The following TRPV1 variants were observed in gnomAD, a reference collection of about 807,000 sequenced individuals.
TRPV1 encodes the protein transient receptor potential cation channel subfamily V member 1, also known as OTRPC1.
In TRPV1, 82 loss-of-function variants were observed where a neutral mutation model predicts 82.3. The ratio of observed to expected loss-of-function variants is 1.00; its 90% CI spans 0.83 to 1.20. The LOEUF (loss-of-function observed/expected upper bound fraction) is 1.20, where lower values mean the gene tolerates loss of function less well. Among genes scored for constraint, TRPV1 ranks in the 50% most tolerant of loss-of-function variants. The pLI is 0.00. For missense variants in TRPV1, 1,067 were observed against 1,096.8 expected, an observed-to-expected ratio of 0.97 and a Z score of 0.38; for synonymous variants, 515 against 467.7, an observed-to-expected ratio of 1.10 and a Z score of -1.30.
chr17:3,605,210 C>A (rs1304918050), intron 2 of TRPV1, among the ~76,000 whole-genome samples: 1 of 152,058 alleles, frequency 6.6e-6, no homozygotes, highest in Admixed American at 6.6e-5. Context: ...ACACTACCCA[C>A]CTTCTAGATT....
intron 5 of TRPV1, 74 bp from the exon 6 acceptor site, chr17:3,590,466 C>T: frequency 6.3e-7 from 1 of 1,574,970 alleles, no homozygotes; most frequent in Non-Finnish European, 8.6e-7. Flanking sequence ...TGGGGAAGGG[C>T]TCTGGGCAGG....
chr17:3,570,779 T>A (rs1240436961), intron 16 of TRPV1, among the ~76,000 whole-genome samples: 1 of 152,160 alleles, frequency 6.6e-6, no homozygotes, highest in Admixed American at 6.6e-5. Flanking sequence ...AGTGGTGCGA[T>A]CTCGGCTCAC....
chr17:3,577,535 C>T (rs2074950299), intron 12 of TRPV1, 63 bp downstream of exon 12: 9 of 1,524,760 alleles, frequency 5.9e-6, no homozygotes, highest in Non-Finnish European at 7.1e-6. Flanking sequence ...TTCTTGGCCC[C>T]ATCTCACATG....
At chr17:3,583,641 C>A (rs568138591) in intron 9 of TRPV1, among the ~76,000 whole-genome samples, 1 of 152,242 alleles carries the variant, frequency 6.6e-6, no homozygotes, top group Non-Finnish European at 1.5e-5. Flanking sequence ...AGGTGCCAAG[C>A]GGAGCATCTT....
At chr17:3,569,779 C>T (rs2074822214) in intron 16 of TRPV1, among the ~76,000 whole-genome samples, 1 of 152,172 alleles carries the variant, frequency 6.6e-6, no homozygotes, top group African/African-American at 2.4e-5. Flanking sequence ...CAGAGAGTGG[C>T]TCAGAGTATT....
In TRPV1 at chr17:3,566,869, C is replaced by G. The variant is rs200050483; in HGVS notation, c.2466G>C (p.Leu822=). 2.1e-5 allele frequency: 34 copies of G among 1,614,012 alleles called. No individual in the cohort carries two copies. The highest frequency in any genetic ancestry group is 2.9e-5 in the Non-Finnish European group (34 of 1,179,896). ...EVYLRQFSGS[L]KPEDAEVFKS... ...TGAAGACCTCAGCGTCCTCTGGCTT[C>G]AGAGACCCTGAAAACTGTCGCAGAT... The change falls in exon 17 of 17, where the codon CTG becomes CTC. Residue 822 remains leucine, a synonymous_variant. Transcript: ENST00000572705.
chr17:3,584,431 A>AAG (rs2075059695), intron 9 of TRPV1, among the ~76,000 whole-genome samples: 1 of 148,880 alleles, frequency 6.7e-6, no homozygotes, highest in Admixed American at 6.7e-5. Context: ...ATAAAAAAAA[A>AAG]AGGAAGTCAT....
At chr17:3,585,714 C>A (rs1386485762) in intron 9 of TRPV1, 54 bp downstream of exon 9, 3 of 1,577,308 alleles carry the variant, frequency 1.9e-6, no homozygotes, top group Admixed American at 3.7e-5. Flanking sequence ...AATGTCCACA[C>A]CCCTTCCCCA....
chr17:3,595,079 C>T (rs1597549946), intron 2 of TRPV1, among the ~76,000 whole-genome samples: 1 of 152,040 alleles, frequency 6.6e-6, no homozygotes. Context: ...GATAACACCC[C>T]GTCAAGGACC....
intron 16 of TRPV1, among the ~76,000 whole-genome samples, chr17:3,569,359 G>A (rs575022827): frequency 2.0e-5 from 3 of 152,130 alleles, no homozygotes; most frequent in Admixed American, 6.6e-5. Context: ...CCCAGAAGGC[G>A]GAGGTTGCAG....
intron 2 of TRPV1, among the ~76,000 whole-genome samples, chr17:3,602,533 G>A (rs1254341964): frequency 6.6e-6 from 1 of 152,164 alleles, no homozygotes; most frequent in Non-Finnish European, 1.5e-5. Flanking sequence ...AAAACTCCTT[G>A]TGAGTAGAAA....
In TRPV1 at chr17:3,574,005, C is replaced by G. The variant is rs767611968; in HGVS notation, c.1781-50G>C. The G allele has an allele frequency of 1.2e-5, 17 of 1,469,762 alleles. 2 individuals are homozygous for G. In the South Asian group the frequency reaches 2.3e-4, roughly 19 times the overall value. The allele number at this position is 1,469,762 out of a possible 1,614,324, so 91.0% of individuals were successfully genotyped here. ...TGCCACTGGATAGAAGCCAATATCCCAAGTCCCCTGACATACACCCTCCTG... is the reference window on the plus strand; with the variant it reads ...TGCCACTGGATAGAAGCCAATATCCGAAGTCCCCTGACATACACCCTCCTG... On this transcript the variant is annotated intron_variant, in intron 13 of 16. Coordinates refer to ENST00000572705, the MANE Select transcript of TRPV1 (RefSeq NM_080704.4).
rs1403215796 is a variant in TRPV1 at position 3,577,187 on chromosome 17, G to A, written c.1719C>T (p.Ile573=). Residue 573 remains isoleucine, a synonymous_variant, in exon 13 of 17, where the codon ATC becomes ATT. Transcript: ENST00000572705. ...ACATGAAACGGCACAGGTCTCTCAGGATCATCTGCAGGAGACAGCAGGCTC... is the reference window on the plus strand; with the variant it reads ...ACATGAAACGGCACAGGTCTCTCAGAATCATCTGCAGGAGACAGCAGGCTC... The part of the protein sequence containing the change: ...GIYAVMIEKM[I]LRDLCRFMFV... 1.9e-6 allele frequency: 3 copies of A among 1,579,886 alleles called. No individual in the cohort carries two copies. Among genetic ancestry groups the A allele is most frequent in the Admixed American group, 1.8e-5 (1 of 54,464 alleles).
chr17:3,608,229 G>GA (rs2075311434), intron 2 of TRPV1, 198 bp downstream of exon 2: 1 of 139,776 alleles, frequency 7.2e-6, no homozygotes, highest in Non-Finnish European at 1.6e-5. Flanking sequence ...AAAAAAAAAG[G>GA]CAAAAAAAAC....
chr17:3,576,899 A>G (rs2074939936), intron 13 of TRPV1, among the ~76,000 whole-genome samples: 1 of 151,154 alleles, frequency 6.6e-6, no homozygotes. Flanking sequence ...CCAAAATGCT[A>G]TGTGGCAGCC....
In TRPV1 at chr17:3,590,106, C is replaced by G; in HGVS notation, c.746-1G>C. 6.2e-7 allele frequency: 1 copy of G among 1,603,236 alleles called. No individual in the cohort carries two copies. The highest frequency in any genetic ancestry group is 1.1e-5 in the South Asian group (1 of 89,660). ...GCGGCCAGGGACAGGGGCAGTTCACCTGCATGAACACAGGGCCCAGGTGGG... is the reference window on the plus strand; with the variant it reads ...GCGGCCAGGGACAGGGGCAGTTCACGTGCATGAACACAGGGCCCAGGTGGG... On this transcript the variant is annotated splice_acceptor_variant, in intron 6 of 16. Coordinates refer to ENST00000572705, the MANE Select transcript of TRPV1 (RefSeq NM_080704.4). LOFTEE classifies it high-confidence loss of function.
At position 3,575,142 on chromosome 17, in the gene TRPV1, C is replaced by T. The variant is rs963397139; in HGVS notation, c.1781-1187G>A. On this transcript the variant is annotated intron_variant, in intron 13 of 16. Coordinates refer to ENST00000572705, the MANE Select transcript of TRPV1 (RefSeq NM_080704.4). ...GAAATGGGGAATGGTTAGCTCTTCT[C>T]TATAACAGAATGCCAGGTAATAAAT... Among the ~76,000 whole-genome samples the T allele has an allele frequency of 1.5e-4, 23 of 152,126 alleles. 1 individual carries two copies. The highest frequency in any genetic ancestry group is 4.1e-4 in the African/African-American group (17 of 41,432).
At chr17:3,585,617 G>GT in intron 9 of TRPV1, 151 bp downstream of exon 9, 1 of 929,366 alleles carries the variant, frequency 1.1e-6, no homozygotes, top group African/African-American at 1.7e-5. Flanking sequence ...GGGATACGAG[G>GT]TTCTCCACGT....
chr17:3,586,632 A>G (rs2075088564), intron 8 of TRPV1, among the ~76,000 whole-genome samples: 1 of 152,102 alleles, frequency 6.6e-6, no homozygotes, highest in African/African-American at 2.4e-5. Flanking sequence ...TTAGCCAGGC[A>G]TGGTGGTGGG....
Sources: allele counts gnomAD v4.1 joint callset (sites outside exome capture counted in the v4.1 genomes callset), GRCh38; gene constraint gnomAD v4.1.1; transcripts MANE v1.5; gene names NCBI Gene and HGNC (gene_info 2026-07-23, HGNC 2026-07-21).